Variants in ABI3BP observed in about 807,000 individuals in gnomAD.
The protein encoded by ABI3BP is target of Nesh-SH3.
In ABI3BP, 216 loss-of-function variants were observed where a neutral mutation model predicts 268.6. The observed-to-expected ratio is 0.80, with a 90% CI of 0.72 to 0.90. ABI3BP has a LOEUF of 0.90. ABI3BP is among the 40% of genes least tolerant of loss of function. The pLI is 0.00. For missense variants in ABI3BP, 2,090 were observed against 2,182.4 expected (o/e 0.96, Z 0.84); for synonymous variants, 730 against 730.0 (o/e 1.00, Z 0.00).
At chr3:100,891,188 A>G (rs1309396770) in intron 4 of ABI3BP, among the ~76,000 whole-genome samples, 1 of 152,172 alleles carries the variant, frequency 6.6e-6, no homozygotes, top group Non-Finnish European at 1.5e-5. Context: ...ATGATTCTCA[A>G]ATGTGAATTG....
chr3:100,831,714 C>G (rs745764402), intron 31 of ABI3BP, among the ~76,000 whole-genome samples: 30 of 152,284 alleles, frequency 2.0e-4, no homozygotes, highest in African/African-American at 7.2e-4. Context: ...TCCCTCATCC[C>G]TCTACTCATC....
chr3:100,942,692 T>C (rs2069999535), intron 1 of ABI3BP, among the ~76,000 whole-genome samples: 1 of 152,114 alleles, frequency 6.6e-6, no homozygotes, highest in African/African-American at 2.4e-5. Context: ...TCTGAAAGTA[T>C]GGTCTCCAGA....
intron 63 of ABI3BP, among the ~76,000 whole-genome samples, chr3:100,756,185 C>T (rs1267320325): frequency 6.6e-6 from 1 of 152,164 alleles, no homozygotes. Flanking sequence ...CAGCTGAGAG[C>T]AATGAGGCTC....
intron 1 of ABI3BP, among the ~76,000 whole-genome samples, chr3:100,954,594 C>T (rs556839967): frequency 6.6e-6 from 1 of 152,248 alleles, no homozygotes; most frequent in Admixed American, 6.5e-5. Flanking sequence ...TTAAGAATGA[C>T]AGGTACTTTA....
At chr3:100,974,198 T>C (rs1269998018) in intron 1 of ABI3BP, among the ~76,000 whole-genome samples, 1 of 152,186 alleles carries the variant, frequency 6.6e-6, no homozygotes, top group Non-Finnish European at 1.5e-5. Flanking sequence ...AAAAACAGTT[T>C]GATGTTTCTT....
intron 9 of ABI3BP, among the ~76,000 whole-genome samples, chr3:100,867,563 C>G (rs1251302232): frequency 6.9e-6 from 1 of 144,954 alleles, no homozygotes; most frequent in Non-Finnish European, 1.5e-5. Flanking sequence ...ATGGCGTGAA[C>G]CCGGGAGGTG....
At chr3:100,829,514 C>T in intron 33 of ABI3BP, 67 bp downstream of exon 33, 2 of 1,409,926 alleles carry the variant, frequency 1.4e-6, no homozygotes, top group Non-Finnish European at 1.9e-6. Flanking sequence ...TGCCCAGCTA[C>T]TTCATTCTCT....
At position 100,749,926 on chromosome 3, in the gene ABI3BP, CTATT is replaced by C. The variant is rs534346052; in HGVS notation, c.*565_*568del. On this transcript the variant is annotated 3_prime_UTR_variant, in exon 68 of 68. Transcript: ENST00000471714. Reference sequence around the variant, plus strand: ...AATGTATATTAGCATGAATGTGTAACTATTAAACTCCTCCGCAAAGCTATTCAGC... The same window carrying C: ...AATGTATATTAGCATGAATGTGTAACAAACTCCTCCGCAAAGCTATTCAGC... 8.2e-3 allele frequency: 3,229 copies of C among 391,554 alleles called. 22 individuals are homozygous for C. The highest frequency in any genetic ancestry group is 0.015 in the South Asian group (107 of 6,966). 24.3% of individuals were successfully genotyped at this position (391,554 alleles called of 1,614,324 possible).
In ABI3BP at chr3:100,914,514, G is replaced by T. The variant is rs542650124; in HGVS notation, c.259+11788C>A. ...TGCTGGGATTCCAGAATGTTCACAG[G>T]CCTGTTCTGAAGGGAGCTCACAGCT... On this transcript the variant is annotated intron_variant, in intron 2 of 67. Transcript: ENST00000471714. The T allele has an allele frequency of 1.6e-5, 7 of 449,448 alleles. No homozygotes were observed. The East Asian group carries it at 4.2e-4, about 27-fold the overall frequency. The allele number at this position is 449,448 out of a possible 1,614,324, so 27.8% of individuals were successfully genotyped here. A position where few individuals can be genotyped will look rare whatever the true frequency, so the allele number is the denominator to read the frequency against.
At chr3:100,753,878 C>CT in intron 64 of ABI3BP, 30 bp from the exon 65 acceptor site, 1 of 1,597,932 alleles carries the variant, frequency 6.3e-7, no homozygotes. Context: ...AAAGTCAGAC[C>CT]TTACTAGGTA....
intron 1 of ABI3BP, among the ~76,000 whole-genome samples, chr3:100,977,381 G>C (rs2086780949): frequency 6.6e-6 from 1 of 152,200 alleles, no homozygotes. Flanking sequence ...GAACTGGGCA[G>C]TCCTGGCTCA....
In ABI3BP at chr3:100,890,842, T is replaced by A. The variant is rs148837167; in HGVS notation, c.462-4519A>T. On this transcript the variant is annotated intron_variant, in intron 4 of 67. Coordinates refer to ENST00000471714, the MANE Select transcript of ABI3BP (RefSeq NM_001375547.2). ...GACTTCAGAGTCCTTTCTCCCCTCA[T>A]GTCCAATCAGTTGTCAAATCCAAGT... 8.5e-5 allele frequency among the ~76,000 whole-genome samples: 13 copies of A among 152,280 alleles called. No individual in the cohort carries two copies. In the East Asian group the frequency reaches 2.5e-3, roughly 29 times the overall value.
At chr3:100,836,252 T>C (rs1293803747) in intron 27 of ABI3BP, among the ~76,000 whole-genome samples, 3 of 152,184 alleles carry the variant, frequency 2.0e-5, no homozygotes, top group Non-Finnish European at 2.9e-5. Context: ...AAGGTAATAA[T>C]ACAACTTTTT....
At chr3:100,957,605 C>T (rs2077276125) in intron 1 of ABI3BP, among the ~76,000 whole-genome samples, 1 of 152,042 alleles carries the variant, frequency 6.6e-6, no homozygotes, top group Non-Finnish European at 1.5e-5. Context: ...GGAACTCAGT[C>T]CTGGGACACT....
chr3:100,884,656 A>G (rs1170043934), intron 6 of ABI3BP, among the ~76,000 whole-genome samples: 3 of 152,026 alleles, frequency 2.0e-5, no homozygotes, highest in Non-Finnish European at 4.4e-5. Flanking sequence ...ACACACCTCA[A>G]GCACACATCT....
intron 1 of ABI3BP, among the ~76,000 whole-genome samples, chr3:100,939,280 C>T (rs560618488): frequency 6.6e-6 from 1 of 152,200 alleles, no homozygotes; most frequent in East Asian, 1.9e-4. Flanking sequence ...GACAGTTGTT[C>T]AGGTTATGCA....
At chr3:100,805,205 C>T (rs2097669399) in intron 50 of ABI3BP, among the ~76,000 whole-genome samples, 1 of 152,058 alleles carries the variant, frequency 6.6e-6, no homozygotes, top group South Asian at 2.1e-4. Flanking sequence ...GTTTGCTTGA[C>T]TTCTCCTTAA....
intron 57 of ABI3BP, 103 bp from the exon 58 acceptor site, chr3:100,780,312 G>T (rs1328739997): frequency 9.2e-7 from 1 of 1,081,274 alleles, no homozygotes; most frequent in Non-Finnish European, 1.3e-6. Context: ...CAGAGCAGGA[G>T]CATTGGTGTT....
chr3:100,851,176 A>C (rs1376257789), intron 15 of ABI3BP, among the ~76,000 whole-genome samples: 2 of 152,192 alleles, frequency 1.3e-5, no homozygotes, highest in Admixed American at 6.5e-5. Context: ...CTCCCTTTGA[A>C]TCTCCTACAG....
Sources: gnomAD v4.1 joint callset for allele counts (sites outside exome capture counted in the v4.1 genomes callset) on GRCh38, gnomAD v4.1.1 for gene constraint, MANE v1.5 for transcripts, NCBI Gene and HGNC (gene_info 2026-07-23, HGNC 2026-07-21) for gene names.